The following BMPR1B variants were observed in gnomAD, a reference collection of about 807,000 sequenced individuals.
BMPR1B encodes the protein bone morphogenetic protein receptor type-1B.
In BMPR1B, 12 loss-of-function variants were observed where a neutral mutation model predicts 59.1. The ratio of observed to expected loss-of-function variants is 0.20; its 90% CI spans 0.13 to 0.33. The LOEUF (loss-of-function observed/expected upper bound fraction) is 0.33, where lower values mean the gene tolerates loss of function less well. Among genes scored for constraint, BMPR1B ranks in the 10% least tolerant of loss-of-function variants. BMPR1B has a pLI of 1.00. For missense variants in BMPR1B, 550 were observed against 610.9 expected (o/e 0.90, Z 1.05); for synonymous variants, 237 against 207.3 (o/e 1.14, Z -1.23).
intron 2 of BMPR1B, among the ~76,000 whole-genome samples, chr4:94,971,829 A>G (rs773124593): frequency 1.3e-5 from 2 of 151,994 alleles, no homozygotes; most frequent in Non-Finnish European, 2.9e-5. Flanking sequence ...TTTTAAACTA[A>G]TATAGGTAGT....
chr4:94,810,298 TCTA>T (rs1723764912), intron 1 of BMPR1B, among the ~76,000 whole-genome samples: 1 of 152,236 alleles, frequency 6.6e-6, no homozygotes, highest in African/African-American at 2.4e-5. Context: ...GCCATATTAA[TCTA>T]CTCAAAATAC....
At chr4:94,825,360 C>T (rs1724346864) in intron 1 of BMPR1B, among the ~76,000 whole-genome samples, 1 of 151,958 alleles carries the variant, frequency 6.6e-6, no homozygotes, top group South Asian at 2.1e-4. Context: ...TAAAAATTAG[C>T]TGAGCAGTGT....
chr4:95,061,206 CACA>C (rs1727357071), intron 3 of BMPR1B, among the ~76,000 whole-genome samples: 3 of 131,394 alleles, frequency 2.3e-5, no homozygotes, highest in African/African-American at 8.3e-5. Flanking sequence ...CACACACACA[CACA>C]CCACACACCC....
At chr4:94,906,220 A>G (rs950184081) in intron 2 of BMPR1B, among the ~76,000 whole-genome samples, 1 of 152,054 alleles carries the variant, frequency 6.6e-6, no homozygotes, top group African/African-American at 2.4e-5. Flanking sequence ...TAAGTCAGCC[A>G]GTTTAGAGTT....
At chr4:94,919,204 G>A (rs534486638) in intron 2 of BMPR1B, among the ~76,000 whole-genome samples, 6 of 152,064 alleles carry the variant, frequency 3.9e-5, no homozygotes, top group East Asian at 1.9e-4. Context: ...TCATCCATAC[G>A]CAGACGTGCA....
intron 10 of BMPR1B, among the ~76,000 whole-genome samples, chr4:95,135,306 G>A (rs967901993): frequency 7.0e-4 from 107 of 152,286 alleles, no homozygotes; most frequent in African/African-American, 2.5e-3. Context: ...GATGCCTCCA[G>A]CTTTGTTCTT....
intron 1 of BMPR1B, among the ~76,000 whole-genome samples, chr4:94,865,495 A>G (rs531769340): frequency 2.1e-4 from 32 of 152,054 alleles, no homozygotes; most frequent in Middle Eastern, 3.4e-3. Context: ...GGTTCAAGCA[A>G]TTGTCCTGCC....
intron 1 of BMPR1B, among the ~76,000 whole-genome samples, chr4:94,830,248 G>A (rs887763971): frequency 8.6e-5 from 13 of 151,846 alleles, no homozygotes; most frequent in African/African-American, 3.1e-4. Context: ...TGTTAATATG[G>A]GATATTTTTG....
intron 1 of BMPR1B, among the ~76,000 whole-genome samples, chr4:94,842,137 T>G (rs1206853006): frequency 6.6e-6 from 1 of 152,212 alleles, no homozygotes; most frequent in Non-Finnish European, 1.5e-5. Context: ...TTTACATGTT[T>G]TGTTTTATTT....
At chr4:94,801,649 C>G (rs946836964) in intron 1 of BMPR1B, among the ~76,000 whole-genome samples, 1 of 152,170 alleles carries the variant, frequency 6.6e-6, no homozygotes, top group African/African-American at 2.4e-5. Context: ...ACCCCTGACA[C>G]TTTGGACATT....
chr4:94,990,604 T>C (rs919664583), intron 2 of BMPR1B, among the ~76,000 whole-genome samples: 7 of 152,212 alleles, frequency 4.6e-5, no homozygotes, highest in African/African-American at 1.7e-4. Flanking sequence ...TAACTTACAG[T>C]GTAACTGAAG....
chr4:95,011,162 G>A (rs1020008713), intron 3 of BMPR1B, among the ~76,000 whole-genome samples: 4 of 151,878 alleles, frequency 2.6e-5, no homozygotes, highest in Non-Finnish European at 5.9e-5. Flanking sequence ...ACGGTGGTTT[G>A]TTGTACAGAT....
At chr4:94,964,025 T>G (rs1560570206) in intron 2 of BMPR1B, among the ~76,000 whole-genome samples, 1 of 152,160 alleles carries the variant, frequency 6.6e-6, no homozygotes, top group African/African-American at 2.4e-5. Flanking sequence ...TTTTACAGTT[T>G]TCACTGTAGA....
intron 1 of BMPR1B, among the ~76,000 whole-genome samples, chr4:94,846,517 T>C (rs1306755565): frequency 6.6e-6 from 1 of 152,084 alleles, no homozygotes; most frequent in African/African-American, 2.4e-5. Flanking sequence ...AAAGGGAGAC[T>C]GGCCTAGCCT....
At chr4:94,858,001 A>G (rs939367146) in intron 1 of BMPR1B, among the ~76,000 whole-genome samples, 15 of 152,090 alleles carry the variant, frequency 9.9e-5, no homozygotes, top group African/African-American at 3.6e-4. Flanking sequence ...GCTGGAGTGC[A>G]GTGGCGCAAT....
At chr4:95,027,619 A>G (rs539581567) in intron 3 of BMPR1B, among the ~76,000 whole-genome samples, 5 of 152,320 alleles carry the variant, frequency 3.3e-5, no homozygotes, top group Admixed American at 2.0e-4. Flanking sequence ...ATTTCAAGGT[A>G]CTTTCCACAT....
chr4:95,151,881 G>C (rs1212795443), intron 11 of BMPR1B, among the ~76,000 whole-genome samples: 1 of 152,126 alleles, frequency 6.6e-6, no homozygotes, highest in Admixed American at 6.5e-5. Context: ...AGGTGAAAAA[G>C]AAGATACTAG....
At chr4:95,111,064 A>G (rs1347320152) in intron 4 of BMPR1B, among the ~76,000 whole-genome samples, 3 of 152,170 alleles carry the variant, frequency 2.0e-5, no homozygotes, top group Admixed American at 6.6e-5. Context: ...TTAAAAATCA[A>G]TTCTGACTAA....
intron 3 of BMPR1B, among the ~76,000 whole-genome samples, chr4:95,070,627 G>A (rs2149218824): frequency 6.6e-6 from 1 of 152,298 alleles, no homozygotes; most frequent in African/African-American, 2.4e-5. Flanking sequence ...CTAGTGCCTA[G>A]TGAGGAAGTT....
Sources: gnomAD v4.1 joint callset for allele counts (sites outside exome capture counted in the v4.1 genomes callset) on GRCh38, gnomAD v4.1.1 for gene constraint, MANE v1.5 for transcripts, NCBI Gene and HGNC (gene_info 2026-07-23, HGNC 2026-07-21) for gene names.